Variants in MBTD1 observed in about 807,000 individuals in gnomAD.
The protein encoded by MBTD1 is mbt domain containing 1.
Under a neutral mutation model 87.8 loss-of-function variants are expected in MBTD1, and 24 were observed. The observed-to-expected ratio is 0.27, with a 90% CI of 0.20 to 0.38. MBTD1 has a LOEUF of 0.38. MBTD1 is among the 10% of genes least tolerant of loss of function. The pLI is 1.00. For missense variants in MBTD1, 436 were observed against 760.2 expected (o/e 0.57, Z 5.02); for synonymous variants, 237 against 248.6 (o/e 0.95, Z 0.44).
rs2050242294 is a variant in MBTD1 at position 51,179,818 on chromosome 17, A to G, written c.*758T>C. 1 of 151,894 alleles carries G rather than the reference A, an allele frequency of 6.6e-6. No individual in the cohort carries two copies. Among genetic ancestry groups the G allele is most frequent in the African/African-American group, 2.4e-5 (1 of 41,374 alleles). The allele number at this position is 151,894 out of a possible 1,614,324, so 9.4% of individuals were successfully genotyped here. A position where few individuals can be genotyped will look rare whatever the true frequency, so the allele number is the denominator to read the frequency against. ...TAAGGACAACATTACATTTTCCCCA[A>G]CCCCTCAATGTGTAGACTGAGATCC... On this transcript the variant is annotated 3_prime_UTR_variant, in exon 17 of 17. Coordinates refer to ENST00000586178, the MANE Select transcript of MBTD1 (RefSeq NM_017643.3).
chr17:51,207,091 T>C (rs2051887001), intron 6 of MBTD1, 86 bp from the exon 7 acceptor site: 3 of 633,836 alleles, frequency 4.7e-6, no homozygotes, highest in Non-Finnish European at 8.2e-6. Context: ...CCATCAATAA[T>C]AGGAATATTA....
chr17:51,221,698 A>G (rs1332163159), intron 3 of MBTD1, among the ~76,000 whole-genome samples: 2 of 152,210 alleles, frequency 1.3e-5, no homozygotes, highest in Non-Finnish European at 2.9e-5. Flanking sequence ...ATTATTCTCT[A>G]AACAGTATAG....
chr17:51,200,399 AAAC>A lies in MBTD1; in HGVS notation c.1224+1190_1224+1192del, dbSNP rs537702571. On this transcript the variant is annotated intron_variant, in intron 12 of 16. Transcript: ENST00000586178. ...CAACAGTGAGACCCCATTGCTAAGA[AAAC>A]AACAACAACAAAAAAACTGGTTGGG... Among the ~76,000 whole-genome samples, 17 of 151,714 alleles carry A rather than the reference AAAC, an allele frequency of 1.1e-4. 1 individual carries two copies. In the South Asian group the frequency reaches 2.1e-3, roughly 19 times the overall value.
chr17:51,226,216 T>C (rs557800569), intron 2 of MBTD1, among the ~76,000 whole-genome samples: 38 of 147,582 alleles, frequency 2.6e-4, no homozygotes, highest in Non-Finnish European at 5.3e-4. Flanking sequence ...AAAAACCATA[T>C]AAAAATAATT....
chr17:51,214,716 C>G (rs139517501), intron 6 of MBTD1, among the ~76,000 whole-genome samples: 1 of 152,010 alleles, frequency 6.6e-6, no homozygotes, highest in African/African-American at 2.4e-5. Flanking sequence ...CCCCTAGGAG[C>G]AGGAAAGGCT....
chr17:51,252,405 G>A (rs2054840280), intron 2 of MBTD1, among the ~76,000 whole-genome samples: 1 of 152,010 alleles, frequency 6.6e-6, no homozygotes, highest in African/African-American at 2.4e-5. Flanking sequence ...TTCAGGTAAC[G>A]TGCCTTCATG....
In MBTD1 at chr17:51,179,500, A is replaced by ATATATATATTTATATTTT. The variant is rs2050215536; in HGVS notation, c.*1075_*1076insAAAATATAAATATATATA. The stretch of plus-strand genomic sequence containing the variant: ...AAGACAATTTTATATATATATATAT[A>ATATATATATTTATATTTT]TATATATATATATATATATATATAT... On this transcript the variant is annotated 3_prime_UTR_variant, in exon 17 of 17. Transcript: ENST00000586178. 1 of 58,530 alleles carries ATATATATATTTATATTTT rather than the reference A, an allele frequency of 1.7e-5. No individual in the cohort carries two copies. Among genetic ancestry groups the ATATATATATTTATATTTT allele is most frequent in the African/African-American group, 8.8e-5 (1 of 11,400 alleles). 3.6% of individuals were successfully genotyped at this position (58,530 alleles called of 1,614,324 possible). A position where few individuals can be genotyped will look rare whatever the true frequency, so the allele number is the denominator to read the frequency against.
chr17:51,199,630 T>C (rs146365974), intron 12 of MBTD1, among the ~76,000 whole-genome samples: 1 of 150,786 alleles, frequency 6.6e-6, no homozygotes, highest in East Asian at 2.0e-4. Flanking sequence ...TTAGTAAAGA[T>C]GGGGTCTCAC....
chr17:51,219,549 A>G (rs2052766917), intron 4 of MBTD1, among the ~76,000 whole-genome samples: 1 of 152,226 alleles, frequency 6.6e-6, no homozygotes, highest in African/African-American at 2.4e-5. Context: ...ATTTGGGTAC[A>G]GACCACTGCT....
chr17:51,199,587 A>G (rs1484348932), intron 12 of MBTD1, among the ~76,000 whole-genome samples: 1 of 148,614 alleles, frequency 6.7e-6, no homozygotes, highest in Non-Finnish European at 1.5e-5. Context: ...GACTACAGGC[A>G]CCCGCCACCA....
At chr17:51,228,155 G>T (rs927057188) in intron 2 of MBTD1, among the ~76,000 whole-genome samples, 3 of 152,016 alleles carry the variant, frequency 2.0e-5, no homozygotes, top group African/African-American at 7.2e-5. Flanking sequence ...TCACTTATAA[G>T]TGGGAGCTAA....
intron 12 of MBTD1, among the ~76,000 whole-genome samples, chr17:51,197,736 G>A (rs758335810): frequency 2.6e-5 from 4 of 151,910 alleles, no homozygotes; most frequent in Non-Finnish European, 5.9e-5. Context: ...GGCCAAGGTG[G>A]GCTCAAGCAA....
chr17:51,201,872 T>C (rs1186042999), intron 11 of MBTD1, 150 bp downstream of exon 11: 1 of 698,874 alleles, frequency 1.4e-6, no homozygotes, highest in Admixed American at 2.9e-5. Flanking sequence ...AGAATAATTA[T>C]AATAAAGAGT....
chr17:51,258,961 G>C (rs1202130220), intron 2 of MBTD1, among the ~76,000 whole-genome samples, 182 bp downstream of exon 2: 2 of 152,136 alleles, frequency 1.3e-5, no homozygotes, highest in African/African-American at 4.8e-5. Flanking sequence ...GGGTGGGTGA[G>C]GAGGATGTGA....
At chr17:51,235,201 T>C (rs960907618) in intron 2 of MBTD1, among the ~76,000 whole-genome samples, 2 of 152,016 alleles carry the variant, frequency 1.3e-5, no homozygotes, top group Admixed American at 1.3e-4. Flanking sequence ...AGCGGTGACA[T>C]CTTGGCTTAC....
intron 16 of MBTD1, among the ~76,000 whole-genome samples, chr17:51,190,542 G>A (rs560318846): frequency 6.6e-6 from 1 of 151,144 alleles, no homozygotes; most frequent in African/African-American, 2.4e-5. Flanking sequence ...GGGTAATATG[G>A]TGAGACACCA....
upstream of MBTD1, chr17:51,260,257 T>C (rs2055400097): frequency 4.4e-6 from 2 of 452,920 alleles, no homozygotes; most frequent in Non-Finnish European, 7.8e-6. Context: ...AGAAGTTCCA[T>C]TCAGCCGTCC....
In MBTD1 at chr17:51,225,185, T is replaced by A. The variant is rs1204549226; in HGVS notation, c.-24A>T. The A allele has an allele frequency of 6.6e-7, 1 of 1,525,350 alleles. No homozygotes were observed. The highest frequency in any genetic ancestry group is 8.8e-7 in the Non-Finnish European group (1 of 1,133,718). The allele number at this position is 1,525,350 out of a possible 1,614,324, so 94.5% of individuals were successfully genotyped here. A position where few individuals can be genotyped will look rare whatever the true frequency, so the allele number is the denominator to read the frequency against. On this transcript the variant is annotated 5_prime_UTR_variant, in exon 3 of 17. In the 5' UTR this introduces an upstream ATG that the reference lacks. Transcript: ENST00000586178. ...ATCCCGAAAGAATCTCTTCTTTTCC[T>A]TTCAGATCGTGAAGAATGTTCAGTC...
In MBTD1 at chr17:51,225,214, G is replaced by C; in HGVS notation, c.-48-5C>G. The C allele has an allele frequency of 6.8e-7, 1 of 1,469,326 alleles. No individual in the cohort carries two copies. The highest frequency in any genetic ancestry group is 9.1e-7 in the Non-Finnish European group (1 of 1,103,738). 91.0% of individuals were successfully genotyped at this position (1,469,326 alleles called of 1,614,324 possible). Reference sequence around the variant, plus strand: ...AGATCGTGAAGAATGTTCAGTCTTTGAAGTAAGAGAAACCAGTGACACATG... The same window carrying C: ...AGATCGTGAAGAATGTTCAGTCTTTCAAGTAAGAGAAACCAGTGACACATG... On this transcript the variant is annotated splice_region_variant and splice_polypyrimidine_tract_variant and intron_variant, in intron 2 of 16. Coordinates refer to ENST00000586178, the MANE Select transcript of MBTD1 (RefSeq NM_017643.3).
Sources: gnomAD v4.1 joint callset for allele counts (sites outside exome capture counted in the v4.1 genomes callset) on GRCh38, gnomAD v4.1.1 for gene constraint, MANE v1.5 for transcripts, NCBI Gene and HGNC (gene_info 2026-07-23, HGNC 2026-07-21) for gene names.